RFX3: variants seen among roughly 807,000 people sequenced by gnomAD.
RFX3 encodes the protein transcription factor RFX3.
RFX3 carries 14 observed loss-of-function variants against 98.6 expected under a neutral mutation model. The observed-to-expected ratio is 0.14, with a 90% CI of 0.09 to 0.22. The LOEUF is 0.22. Among genes scored for constraint, RFX3 ranks in the 10% least tolerant of loss-of-function variants. RFX3 has a pLI of 1.00. For missense variants in RFX3, 639 were observed against 926.9 expected, an observed-to-expected ratio of 0.69 and a Z score of 4.03; for synonymous variants, 383 against 328.4, an observed-to-expected ratio of 1.17 and a Z score of -1.80.
intron 4 of RFX3, among the ~76,000 whole-genome samples, chr9:3,312,779 T>A (rs1830115124): frequency 6.6e-6 from 1 of 152,046 alleles, no homozygotes; most frequent in Admixed American, 6.5e-5. Context: ...AGCACACCAG[T>A]CTGAGATTGA....
intron 4 of RFX3, among the ~76,000 whole-genome samples, chr9:3,310,136 G>C (rs1204384454): frequency 6.6e-6 from 1 of 152,146 alleles, no homozygotes; most frequent in Non-Finnish European, 1.5e-5. Context: ...GATCATTTAG[G>C]GGCAGTTGAT....
At chr9:3,418,508 T>C (rs755724122) in intron 1 of RFX3, among the ~76,000 whole-genome samples, 2 of 152,012 alleles carry the variant, frequency 1.3e-5, no homozygotes, top group Non-Finnish European at 2.9e-5. Context: ...GCCTCCCAAG[T>C]AGCTAGGATT....
chr9:3,465,088 T>C (rs892305735), intron 1 of RFX3, among the ~76,000 whole-genome samples: 2 of 152,060 alleles, frequency 1.3e-5, no homozygotes, highest in Non-Finnish European at 2.9e-5. Flanking sequence ...AATAGAAGAA[T>C]CACTAACTCA....
At chr9:3,247,252 C>CT in intron 15 of RFX3, 2 of 839,132 alleles carry the variant, frequency 2.4e-6, no homozygotes, top group Non-Finnish European at 2.6e-6. Context: ...TTAACCAGCC[C>CT]TTGTTATATT....
At chr9:3,324,780 T>C (rs556724592) in intron 4 of RFX3, among the ~76,000 whole-genome samples, 1 of 151,964 alleles carries the variant, frequency 6.6e-6, no homozygotes, top group Non-Finnish European at 1.5e-5. Context: ...GTGGCAAACA[T>C]GGTGAAACAC....
At chr9:3,285,458 T>C (rs530622649) in intron 7 of RFX3, among the ~76,000 whole-genome samples, 3 of 151,820 alleles carry the variant, frequency 2.0e-5, no homozygotes, top group South Asian at 2.1e-4. Context: ...TCCACACCCA[T>C]GAAAAGAAAC....
intron 1 of RFX3, among the ~76,000 whole-genome samples, chr9:3,484,361 G>A (rs913986315): frequency 1.3e-5 from 2 of 152,182 alleles, no homozygotes; most frequent in African/African-American, 2.4e-5. Flanking sequence ...GCTAGCTAGT[G>A]TATGAAATAC....
chr9:3,510,203 A>C (rs954724322), intron 1 of RFX3, among the ~76,000 whole-genome samples: 2 of 151,920 alleles, frequency 1.3e-5, no homozygotes, highest in African/African-American at 4.8e-5. Context: ...GATAGGAAGA[A>C]AGGCTGAAGT....
intron 1 of RFX3, among the ~76,000 whole-genome samples, chr9:3,448,936 T>C (rs1025375423): frequency 6.6e-6 from 1 of 152,214 alleles, no homozygotes; most frequent in Admixed American, 6.5e-5. Context: ...ATGGGTGACC[T>C]AGGCCCTAAG....
chr9:3,247,867 C>T (rs753768589), intron 15 of RFX3, 165 bp downstream of exon 15: 1 of 1,608,806 alleles, frequency 6.2e-7, no homozygotes, highest in South Asian at 1.1e-5. Flanking sequence ...CACATAAGAA[C>T]AGAGGAATTT....
At chr9:3,260,710 C>A (rs1822761494) in intron 13 of RFX3, among the ~76,000 whole-genome samples, 1 of 151,478 alleles carries the variant, frequency 6.6e-6, no homozygotes, top group African/African-American at 2.4e-5. Flanking sequence ...TCAGTTAATA[C>A]ATCCCACGGA....
intron 2 of RFX3, among the ~76,000 whole-genome samples, chr9:3,352,797 C>T (rs1467186865): frequency 6.6e-6 from 1 of 152,002 alleles, no homozygotes; most frequent in Non-Finnish European, 1.5e-5. Context: ...GACCTAGAAC[C>T]ATTTTCCACA....
chr9:3,296,583 T>C (rs547634918), intron 5 of RFX3, among the ~76,000 whole-genome samples: 44 of 152,128 alleles, frequency 2.9e-4, no homozygotes, highest in Middle Eastern at 6.8e-3. Flanking sequence ...AAATCACTAG[T>C]TAGTTTGAAA....
chr9:3,366,690 T>TTCC (rs1837136624), intron 2 of RFX3, among the ~76,000 whole-genome samples: 3 of 127,282 alleles, frequency 2.4e-5, no homozygotes, highest in African/African-American at 9.8e-5. Flanking sequence ...TTCTTCTTTC[T>TTCC]TTCCTTTCTT....
chr9:3,422,681 G>C (rs947699918), intron 1 of RFX3, among the ~76,000 whole-genome samples: 3 of 152,092 alleles, frequency 2.0e-5, no homozygotes, highest in Non-Finnish European at 4.4e-5. Flanking sequence ...TTAGCTACTA[G>C]CTTGAATGGT....
intron 4 of RFX3, among the ~76,000 whole-genome samples, chr9:3,312,822 C>G (rs1563908621): frequency 6.6e-6 from 1 of 152,188 alleles, no homozygotes; most frequent in Non-Finnish European, 1.5e-5. Context: ...GGGAGAGGGG[C>G]GTCCGCCATT....
chr9:3,385,465 C>G (rs1177657073), intron 2 of RFX3, among the ~76,000 whole-genome samples: 1 of 151,966 alleles, frequency 6.6e-6, no homozygotes, highest in African/African-American at 2.4e-5. Context: ...AATCTGAGAA[C>G]TTTCGGAGGC....
At chr9:3,396,187 C>A (rs1840850479) in intron 1 of RFX3, among the ~76,000 whole-genome samples, 1 of 152,006 alleles carries the variant, frequency 6.6e-6, no homozygotes, top group African/African-American at 2.4e-5. Flanking sequence ...TATGCCTCCC[C>A]CCTCCCCTCC....
chr9:3,273,223 A>T (rs974907876), intron 9 of RFX3, among the ~76,000 whole-genome samples: 6 of 152,146 alleles, frequency 3.9e-5, no homozygotes, highest in African/African-American at 1.4e-4. Flanking sequence ...TTTCATATTT[A>T]TTCAAAATGA....
Sources: gnomAD v4.1 joint callset for allele counts (sites outside exome capture counted in the v4.1 genomes callset) on GRCh38, gnomAD v4.1.1 for gene constraint, MANE v1.5 for transcripts, NCBI Gene and HGNC (gene_info 2026-07-23, HGNC 2026-07-21) for gene names.